The following SUMF1 variants were observed in gnomAD, a reference collection of about 807,000 sequenced individuals.
SUMF1 encodes formylglycine-generating enzyme.
SUMF1 carries 48 observed loss-of-function variants against 47.6 expected under a neutral mutation model. The observed-to-expected ratio is 1.01, with a 90% confidence interval of 0.80 to 1.28. The LOEUF is 1.28. Among genes scored for constraint, SUMF1 ranks in the 50% most tolerant of loss-of-function variants. SUMF1 has a pLI of 0.00. For synonymous variants in SUMF1, 230 were observed against 192.1 expected (o/e 1.20, Z -1.63); for missense variants, 571 against 485.4 (o/e 1.18, Z -1.66).
intron 8 of SUMF1, among the ~76,000 whole-genome samples, chr3:4,216,340 G>A (rs1349729898): frequency 6.6e-6 from 1 of 152,150 alleles, no homozygotes; most frequent in African/African-American, 2.4e-5. Flanking sequence ...CTAGCCATAT[G>A]CAATAAACTG....
At chr3:4,212,772 T>G (rs548454184) in intron 8 of SUMF1, among the ~76,000 whole-genome samples, 62 of 152,250 alleles carry the variant, frequency 4.1e-4, no homozygotes, top group African/African-American at 1.4e-3. Flanking sequence ...CATACACAAG[T>G]ATCAATAGCC....
intron 9 of SUMF1, among the ~76,000 whole-genome samples, chr3:4,045,778 A>C (rs1694995035): frequency 6.6e-6 from 1 of 152,192 alleles, no homozygotes; most frequent in Non-Finnish European, 1.5e-5. Flanking sequence ...GGTGTTCTTC[A>C]CAAGAAACTA....
chr3:4,312,864 C>A (rs1347476227), intron 8 of SUMF1: 3 of 1,558,122 alleles, frequency 1.9e-6, no homozygotes, highest in Admixed American at 1.9e-5. Flanking sequence ...ATATGACATG[C>A]CGTGCTGACT....
intron 8 of SUMF1, among the ~76,000 whole-genome samples, chr3:4,306,347 C>A (rs1265023061): frequency 1.3e-5 from 2 of 152,078 alleles, no homozygotes; most frequent in Non-Finnish European, 2.9e-5. Flanking sequence ...TCCATAAAAT[C>A]ATGAGGTTTT....
At chr3:4,182,846 C>T (rs1695124709) in intron 8 of SUMF1, among the ~76,000 whole-genome samples, 1 of 152,054 alleles carries the variant, frequency 6.6e-6, no homozygotes, top group African/African-American at 2.4e-5. Flanking sequence ...TCACAATAAT[C>T]CTAGAGGTAA....
At chr3:4,281,351 G>C (rs887882044) in intron 8 of SUMF1, among the ~76,000 whole-genome samples, 8 of 152,116 alleles carry the variant, frequency 5.3e-5, no homozygotes, top group Admixed American at 5.2e-4. Flanking sequence ...CACTGTGAGA[G>C]AGAGAGAAAA....
At chr3:4,385,480 T>G (rs1175296354) in intron 7 of SUMF1, among the ~76,000 whole-genome samples, 1 of 152,168 alleles carries the variant, frequency 6.6e-6, no homozygotes, top group Admixed American at 6.5e-5. Flanking sequence ...ATTGTTCGGT[T>G]TTTTACTGCT....
intron 7 of SUMF1, among the ~76,000 whole-genome samples, chr3:4,402,139 G>A (rs1314822525): frequency 6.6e-6 from 1 of 152,162 alleles, no homozygotes; most frequent in Admixed American, 6.5e-5. Context: ...GGCAGCTATG[G>A]CTCAGGGCAC....
At chr3:4,398,470 C>A (rs1701107120) in intron 7 of SUMF1, among the ~76,000 whole-genome samples, 1 of 152,022 alleles carries the variant, frequency 6.6e-6, no homozygotes, top group Admixed American at 6.6e-5. Flanking sequence ...TCTTAATAAC[C>A]TGGTTTTATT....
chr3:4,351,749 G>A (rs771340792), intron 8 of SUMF1, among the ~76,000 whole-genome samples: 2 of 152,036 alleles, frequency 1.3e-5, no homozygotes, highest in Non-Finnish European at 2.9e-5. Context: ...TCGTAGCCTC[G>A]GCCACTTCAT....
chr3:4,379,689 A>G (rs776276532), intron 7 of SUMF1, among the ~76,000 whole-genome samples: 10 of 152,180 alleles, frequency 6.6e-5, no homozygotes, highest in Non-Finnish European at 1.2e-4. Flanking sequence ...TAAAAATACA[A>G]AAATTAACTG....
At chr3:4,069,807 C>A (rs1242143529) in intron 8 of SUMF1, among the ~76,000 whole-genome samples, 2 of 152,100 alleles carry the variant, frequency 1.3e-5, no homozygotes, top group South Asian at 2.1e-4. Context: ...AAATATATAA[C>A]CCCAAAATAT....
rs540393573 is a variant in SUMF1, at chr3:4,165,343, C to T, written c.1015-96598G>A. ...ACATATACCCGGGTTGGGCTAAATTCCCTTCCCCTTACAGCTTGAAGAGGA... is the reference window on the plus strand; with the variant it reads ...ACATATACCCGGGTTGGGCTAAATTTCCTTCCCCTTACAGCTTGAAGAGGA... On this transcript the variant is annotated intron_variant and NMD_transcript_variant, in intron 8 of 12. Coordinates refer to the SUMF1 transcript ENST00000448413. Among the ~76,000 whole-genome samples, 28 of 152,168 alleles carry T rather than the reference C, an allele frequency of 1.8e-4. 1 individual carries two copies. Among genetic ancestry groups the T allele is most frequent in the African/African-American group, 6.5e-4 (27 of 41,512 alleles).
rs372991271 is a variant in SUMF1 at position 4,293,235 on chromosome 3, A to G, written c.1014+83095T>C. Among the ~76,000 whole-genome samples, 69 of 152,296 alleles carry G rather than the reference A, an allele frequency of 4.5e-4. No homozygotes were observed. The East Asian group carries it at 6.6e-3, about 14-fold the overall frequency. Reference sequence around the variant, plus strand: ...TGGAAGTGGAAGAGTTACATATTATATGTAATATGTTCTAATCCTAATGAT... The same window carrying G: ...TGGAAGTGGAAGAGTTACATATTATGTGTAATATGTTCTAATCCTAATGAT... On this transcript the variant is annotated intron_variant and NMD_transcript_variant, in intron 8 of 12. Coordinates refer to the SUMF1 transcript ENST00000448413.
At chr3:4,159,931 T>G (rs1381248248) in intron 8 of SUMF1, among the ~76,000 whole-genome samples, 1 of 152,170 alleles carries the variant, frequency 6.6e-6, no homozygotes, top group Non-Finnish European at 1.5e-5. Flanking sequence ...CCAAACACAT[T>G]GGAGCACAAT....
chr3:4,362,646 G>A (rs1029459431), intron 8 of SUMF1, among the ~76,000 whole-genome samples: 5 of 152,158 alleles, frequency 3.3e-5, no homozygotes, highest in African/African-American at 9.7e-5. Context: ...ATGAGGCCAG[G>A]CGCACTGGCT....
At chr3:4,442,257 C>CTT (rs35480700) in intron 3 of SUMF1, among the ~76,000 whole-genome samples, 2,368 of 140,584 alleles carry the variant, frequency 0.017, 26 homozygotes, top group Non-Finnish European at 0.023. Flanking sequence ...ACCATGAACT[C>CTT]TTTTTTTTTT....
chr3:4,427,313 C>G (rs1191655773), intron 3 of SUMF1, among the ~76,000 whole-genome samples: 1 of 152,128 alleles, frequency 6.6e-6, no homozygotes, highest in African/African-American at 2.4e-5. Context: ...ATAAAAACAA[C>G]CCGGGAGAAT....
chr3:4,319,297 G>A (rs1251178121), intron 8 of SUMF1, among the ~76,000 whole-genome samples: 1 of 152,152 alleles, frequency 6.6e-6, no homozygotes, highest in Admixed American at 6.6e-5. Flanking sequence ...TCACCACACA[G>A]AATGTCAATC....
Sources: gnomAD v4.1 joint callset for allele counts (sites outside exome capture counted in the v4.1 genomes callset) on GRCh38, gnomAD v4.1.1 for gene constraint, MANE v1.5 for transcripts, NCBI Gene and HGNC (gene_info 2026-07-23, HGNC 2026-07-21) for gene names.